The following TMEM132B variants were observed in gnomAD, a reference collection of about 807,000 sequenced individuals.
TMEM132B encodes the protein transmembrane protein 132B.
A neutral mutation model predicts 90.8 loss-of-function variants in TMEM132B; 18 were observed. That is an observed-to-expected ratio of 0.20 (90% CI 0.14 to 0.29). The LOEUF (loss-of-function observed/expected upper bound fraction) is 0.29, where lower values mean the gene tolerates loss of function less well. Ranked by LOEUF, TMEM132B falls within the 10% of genes least tolerant of loss-of-function variation. TMEM132B has a pLI of 1.00. For synonymous variants in TMEM132B, 504 were observed against 523.3 expected (o/e 0.96, Z 0.50); for missense variants, 1,096 against 1,326.8 (o/e 0.83, Z 2.70).
intron 1 of TMEM132B, among the ~76,000 whole-genome samples, chr12:125,260,256 G>C (rs143607168): frequency 1.9e-4 from 29 of 152,320 alleles, no homozygotes; most frequent in African/African-American, 5.5e-4. Context: ...AATGAGTCTT[G>C]GTCTCTGGAG....
At chr12:125,245,471 A>T (rs1874185432) in intron 1 of TMEM132B, among the ~76,000 whole-genome samples, 1 of 147,008 alleles carries the variant, frequency 6.8e-6, no homozygotes, top group Non-Finnish European at 1.5e-5. Context: ...GGTCACAGCC[A>T]GGGCAGTCTG....
At chr12:125,282,261 T>C (rs543645715) in intron 1 of TMEM132B, among the ~76,000 whole-genome samples, 2 of 152,230 alleles carry the variant, frequency 1.3e-5, no homozygotes, top group African/African-American at 4.8e-5. Context: ...CCTGCGATGC[T>C]GGATGCCGTG....
chr12:125,325,581 A>G lies in TMEM132B; in HGVS notation c.68-23871A>G, dbSNP rs1393877472. On this transcript the variant is annotated intron_variant, in intron 1 of 8. Coordinates refer to ENST00000682704, the MANE Select transcript of TMEM132B (RefSeq NM_001366854.1). ...CATTTTTGCGGAGAACTCTGGAAAC[A>G]TGGGGCCTCCATTTTTCTGATCTGA... 7.2e-5 allele frequency among the ~76,000 whole-genome samples: 11 copies of G among 152,210 alleles called. No individual in the cohort carries two copies. In the East Asian group the frequency reaches 2.1e-3, roughly 29 times the overall value.
At chr12:125,249,258 A>G (rs1248775502) in intron 1 of TMEM132B, among the ~76,000 whole-genome samples, 2 of 152,178 alleles carry the variant, frequency 1.3e-5, no homozygotes, top group African/African-American at 4.8e-5. Context: ...GCTGGGCTCC[A>G]TCCCAGAGTT....
chr12:125,411,637 C>T (rs1879842790), intron 2 of TMEM132B, among the ~76,000 whole-genome samples: 1 of 152,100 alleles, frequency 6.6e-6, no homozygotes, highest in African/African-American at 2.4e-5. Flanking sequence ...CTAGGATGGG[C>T]TGTCATCTGG....
chr12:125,471,463 C>T (rs958923318), intron 3 of TMEM132B, among the ~76,000 whole-genome samples: 2 of 152,210 alleles, frequency 1.3e-5, no homozygotes, highest in African/African-American at 4.8e-5. Flanking sequence ...ATTTGGCTGA[C>T]TTCTTGTTGT....
At chr12:125,629,074 A>G (rs1201181213) in intron 5 of TMEM132B, among the ~76,000 whole-genome samples, 1 of 152,122 alleles carries the variant, frequency 6.6e-6, no homozygotes, top group Non-Finnish European at 1.5e-5. Context: ...ATTTAAAGTC[A>G]GGTAATGTGA....
intron 5 of TMEM132B, among the ~76,000 whole-genome samples, chr12:125,611,876 TTTG>T (rs371416722): frequency 6.6e-6 from 1 of 152,102 alleles, no homozygotes; most frequent in Admixed American, 6.6e-5. Context: ...GAATATGTAT[TTTG>T]TTGTTGTTTT....
intron 1 of TMEM132B, among the ~76,000 whole-genome samples, chr12:125,313,984 T>C (rs1876188685): frequency 6.6e-6 from 1 of 151,910 alleles, no homozygotes. Flanking sequence ...TGGCACATGA[T>C]GGGCTTTCAG....
At chr12:125,298,408 T>C (rs1875724973) in intron 1 of TMEM132B, among the ~76,000 whole-genome samples, 2 of 140,410 alleles carry the variant, frequency 1.4e-5, no homozygotes, top group African/African-American at 5.2e-5. Context: ...GCATGGTGGC[T>C]TACACCTGTA....
chr12:125,532,507 C>A (rs1347945630), intron 4 of TMEM132B, among the ~76,000 whole-genome samples: 1 of 150,352 alleles, frequency 6.7e-6, no homozygotes, highest in East Asian at 2.0e-4. Flanking sequence ...GTAAAATAAT[C>A]AGGAAGCTGT....
At position 125,654,824 on chromosome 12, in the gene TMEM132B, G is replaced by A; in HGVS notation, c.*114G>A. 1 of 1,251,886 alleles carries A rather than the reference G, an allele frequency of 8.0e-7. No individual in the cohort carries two copies. The highest frequency in any genetic ancestry group is 1.1e-6 in the Non-Finnish European group (1 of 909,388). The allele number at this position is 1,251,886 out of a possible 1,614,324, so 77.5% of individuals were successfully genotyped here. A position where few individuals can be genotyped will look rare whatever the true frequency, so the allele number is the denominator to read the frequency against. ...AACAAAGTTTGATTTGTGGAGGTCT[G>A]GTGGGATTCATTTCTAAGCAGGTAA... On this transcript the variant is annotated 3_prime_UTR_variant, in exon 9 of 9. Coordinates refer to ENST00000682704, the MANE Select transcript of TMEM132B (RefSeq NM_001366854.1). This position sits in a 1 kb window ranked among gnomAD's most constrained non-coding sequence, Gnocchi z 5.8.
intron 1 of TMEM132B, among the ~76,000 whole-genome samples, chr12:125,201,190 T>G (rs1481830742): frequency 6.6e-6 from 1 of 152,134 alleles, no homozygotes; most frequent in Non-Finnish European, 1.5e-5. Context: ...GGGAAAAGTA[T>G]TGGGGGAGGA....
At chr12:125,322,792 T>C (rs79272778) in intron 1 of TMEM132B, among the ~76,000 whole-genome samples, 2,069 of 152,290 alleles carry the variant, frequency 0.014, 22 homozygotes, top group Non-Finnish European at 0.024. Context: ...CAGTTTTCTT[T>C]TGCACAGGCA....
chr12:125,379,942 C>T (rs1878624204), intron 2 of TMEM132B, among the ~76,000 whole-genome samples: 1 of 151,652 alleles, frequency 6.6e-6, no homozygotes, highest in Admixed American at 6.6e-5. Context: ...GATCTGTGAA[C>T]TTCTATTTTG....
chr12:125,615,491 C>G (rs1264176880), intron 5 of TMEM132B, among the ~76,000 whole-genome samples: 1 of 152,076 alleles, frequency 6.6e-6, no homozygotes, highest in Admixed American at 6.6e-5. Context: ...CACCTCAAAT[C>G]TATTTTGAGC....
chr12:125,617,639 C>A (rs796421773), intron 5 of TMEM132B, among the ~76,000 whole-genome samples: 2 of 152,206 alleles, frequency 1.3e-5, no homozygotes, highest in Admixed American at 1.3e-4. Context: ...GCCACCATGC[C>A]TGGCCTTCAC....
chr12:125,256,821 A>G lies in TMEM132B; in HGVS notation c.67+69955A>G, dbSNP rs539612131. On this transcript the variant is annotated intron_variant, in intron 1 of 8. Coordinates refer to ENST00000682704, the MANE Select transcript of TMEM132B (RefSeq NM_001366854.1). ...AGTTCAGGGCTGTTGAGGACTGTCC[A>G]TTGACCTGCGCTTCACCTCTTCTGG... Among the ~76,000 whole-genome samples, 4 of 152,326 alleles carry G rather than the reference A, an allele frequency of 2.6e-5. No individual in the cohort carries two copies. The South Asian group carries it at 8.3e-4, about 32-fold the overall frequency.
At chr12:125,292,292 G>A (rs954123220) in intron 1 of TMEM132B, among the ~76,000 whole-genome samples, 6 of 152,296 alleles carry the variant, frequency 3.9e-5, no homozygotes, top group Admixed American at 2.0e-4. Context: ...TAAAATTGCA[G>A]TGACAGAATG....
Sources: gnomAD v4.1 joint callset for allele counts (sites outside exome capture counted in the v4.1 genomes callset) on GRCh38, gnomAD v4.1.1 for gene constraint, Gnocchi (gnomAD v3.1) non-coding constraint, MANE v1.5 for transcripts, NCBI Gene and HGNC (gene_info 2026-07-23, HGNC 2026-07-21) for gene names.